The following FBXL5 variants were observed in gnomAD, a reference collection of about 807,000 sequenced individuals.
FBXL5 encodes F-box/LRR-repeat protein 5.
Under a neutral mutation model 78.3 loss-of-function variants are expected in FBXL5, and 26 were observed. That is an observed-to-expected ratio of 0.33 (90% confidence interval 0.24 to 0.46). FBXL5 has a LOEUF of 0.46. Ranked by LOEUF, FBXL5 falls within the 20% of genes least tolerant of loss-of-function variation. The probability of loss-of-function intolerance (pLI) is 1.00; values close to 1 mark genes in which losing one functional copy is unlikely to be tolerated. For synonymous variants in FBXL5, 295 were observed against 282.5 expected (o/e 1.04, Z -0.45); for missense variants, 710 against 829.2 (o/e 0.86, Z 1.77).
upstream of FBXL5, among the ~76,000 whole-genome samples, chr4:15,662,263 G>A (rs904665538): frequency 2.0e-5 from 3 of 152,152 alleles, no homozygotes; most frequent in Non-Finnish European, 2.9e-5. Flanking sequence ...TAGGGGCATA[G>A]GCTCCTTCCA....
At chr4:15,641,379 CCA>C (rs1275681491) in intron 2 of FBXL5, 4 of 344,676 alleles carry the variant, frequency 1.2e-5, no homozygotes, top group African/African-American at 8.7e-5. Context: ...AAGACCAACC[CCA>C]CCTCTTCTTC....
intron 1 of FBXL5, among the ~76,000 whole-genome samples, chr4:15,651,034 G>C (rs888874854): frequency 5.9e-5 from 9 of 152,164 alleles, no homozygotes; most frequent in Non-Finnish European, 1.0e-4. Flanking sequence ...AGACGATACA[G>C]TACATTCAAA....
chr4:15,665,713 T>A (rs566488574), intron 1 of FBXL5, among the ~76,000 whole-genome samples: 1 of 152,252 alleles, frequency 6.6e-6, no homozygotes, highest in African/African-American at 2.4e-5. Flanking sequence ...AACGTTTATC[T>A]GAGAAAAGAA....
At chr4:15,656,149 G>A (rs1716913098), upstream of FBXL5, 2 of 455,778 alleles carry the variant, frequency 4.4e-6, no homozygotes, top group South Asian at 3.1e-5. Flanking sequence ...GTGAATAATG[G>A]AAGGTTGGTG....
chr4:15,643,365 G>A (rs759338514), intron 2 of FBXL5, among the ~76,000 whole-genome samples: 50 of 152,298 alleles, frequency 3.3e-4, no homozygotes, highest in Non-Finnish European at 2.8e-4. Flanking sequence ...TTAAGCTTAC[G>A]CTTCACCAAG....
chr4:15,624,873 T>C (rs913711914), intron 9 of FBXL5, among the ~76,000 whole-genome samples: 1 of 152,208 alleles, frequency 6.6e-6, no homozygotes, highest in Non-Finnish European at 1.5e-5. Flanking sequence ...ACCCTCAGTA[T>C]AAAACTATAA....
At chr4:15,628,610 T>C (rs942246440) in intron 6 of FBXL5, among the ~76,000 whole-genome samples, 1 of 152,258 alleles carries the variant, frequency 6.6e-6, no homozygotes, top group South Asian at 2.1e-4. Context: ...AAAGACCAAT[T>C]TGAATGTCTT....
chr4:15,647,690 T>G (rs957477220), intron 1 of FBXL5, among the ~76,000 whole-genome samples: 1 of 152,266 alleles, frequency 6.6e-6, no homozygotes, highest in South Asian at 2.1e-4. Context: ...AAATTACAGG[T>G]AGAATCTATA....
At chr4:15,638,936 GGGTAGGTCACCTGA>G (rs1560230069) in intron 3 of FBXL5, among the ~76,000 whole-genome samples, 1 of 152,138 alleles carries the variant, frequency 6.6e-6, no homozygotes, top group Non-Finnish European at 1.5e-5. Flanking sequence ...AAGCCAAGGC[GGGTAGGTCACCTGA>G]GGTCGGGAGT....
At chr4:15,654,214 AT>A (rs1016644544) in intron 1 of FBXL5, among the ~76,000 whole-genome samples, 8 of 152,180 alleles carry the variant, frequency 5.3e-5, no homozygotes, top group Non-Finnish European at 8.8e-5. Context: ...CTAAAAGTTG[AT>A]TTCTATGCTT....
intron 2 of FBXL5, among the ~76,000 whole-genome samples, chr4:15,641,983 G>A (rs1195612044): frequency 1.3e-5 from 2 of 151,672 alleles, no homozygotes; most frequent in South Asian, 2.1e-4. Context: ...AGCCGAGATT[G>A]CACCACTGCA....
At chr4:15,622,504 A>C (rs574729004) in intron 9 of FBXL5, among the ~76,000 whole-genome samples, 1 of 152,212 alleles carries the variant, frequency 6.6e-6, no homozygotes, top group Non-Finnish European at 1.5e-5. Context: ...TTTTCAAAGA[A>C]GCCTTTCCTG....
chr4:15,664,485 T>C (rs188581996), upstream of FBXL5, among the ~76,000 whole-genome samples: 4 of 151,766 alleles, frequency 2.6e-5, no homozygotes, highest in East Asian at 7.7e-4. Context: ...CTTATAAAGT[T>C]AAATATACTG....
At chr4:15,616,467 G>A (rs1424774397) in intron 9 of FBXL5, among the ~76,000 whole-genome samples, 1 of 152,354 alleles carries the variant, frequency 6.6e-6, no homozygotes, top group South Asian at 2.1e-4. Flanking sequence ...CCTCCCCACT[G>A]AGAAAGCAAG....
intron 1 of FBXL5, among the ~76,000 whole-genome samples, chr4:15,651,646 T>C (rs1052429473): frequency 6.6e-6 from 1 of 152,200 alleles, no homozygotes; most frequent in African/African-American, 2.4e-5. Context: ...AAAGGATATA[T>C]TCAAATTACT....
At chr4:15,630,839 C>T (rs1374614637) in intron 5 of FBXL5, 48 bp from the exon 6 acceptor site, 2 of 1,595,520 alleles carry the variant, frequency 1.3e-6, no homozygotes, top group African/African-American at 1.5e-5. Flanking sequence ...TATCAGATTG[C>T]CTGCAATTAT....
At chr4:15,629,219 AT>A (rs1560222300) in intron 6 of FBXL5, among the ~76,000 whole-genome samples, 5 of 152,078 alleles carry the variant, frequency 3.3e-5, no homozygotes, top group African/African-American at 1.2e-4. Flanking sequence ...TTCCTTTTCA[AT>A]ATGAAGGAAA....
chr4:15,647,263 A>C (rs1216335553), intron 1 of FBXL5, among the ~76,000 whole-genome samples: 1 of 14,436 alleles, frequency 6.9e-5, no homozygotes, highest in Non-Finnish European at 1.2e-4. Context: ...TGTTGAAAAA[A>C]ATAAAAATAA....
At position 15,629,974 on chromosome 4, in the gene FBXL5, C is replaced by G. The variant is rs77743413; in HGVS notation, c.892+692G>C. Among the ~76,000 whole-genome samples, 879 of 152,132 alleles carry G rather than the reference C, an allele frequency of 5.8e-3. 11 individuals are homozygous for G. Among genetic ancestry groups the G allele is most frequent in the African/African-American group, 0.02 (841 of 41,514 alleles). ...TTTTAATAATTATTATCTAGAATAT[C>G]CAAGACAGAATTTGTTTTCCTCCTC... On this transcript the variant is annotated intron_variant, in intron 6 of 10. Coordinates refer to ENST00000341285, the MANE Select transcript of FBXL5 (RefSeq NM_012161.4).
Sources: gnomAD v4.1 joint callset for allele counts (sites outside exome capture counted in the v4.1 genomes callset) on GRCh38, gnomAD v4.1.1 for gene constraint, MANE v1.5 for transcripts, NCBI Gene and HGNC (gene_info 2026-07-23, HGNC 2026-07-21) for gene names.